Variants in PP2D1 observed in about 807,000 individuals in gnomAD.
PP2D1 encodes the protein protein phosphatase 2C-like domain-containing protein 1.
A neutral mutation model predicts 30.2 loss-of-function variants in PP2D1; 25 were observed. The ratio of observed to expected loss-of-function variants is 0.83; its 90% CI spans 0.60 to 1.16. The LOEUF (loss-of-function observed/expected upper bound fraction) is 1.16. Ranked by LOEUF, PP2D1 falls within the 50% of genes most tolerant of loss-of-function variation. PP2D1 has a pLI of 0.00. For missense variants in PP2D1, 760 were observed against 742.4 expected (o/e 1.02, Z -0.28); for synonymous variants, 260 against 258.9 (o/e 1.00, Z -0.04).
rs1697263337 is a variant in PP2D1, at chr3:20,002,024, T to C, written c.96A>G (p.Leu32=). ...TFDSDEDILL[L]PKRKRFRKKK... is the part of the protein sequence containing the mutation. ...TCTTTCTAAAACGTTTTCTTTTGGGTAAAAGTAGAATATCCTCATCTGAAT... is the reference window on the plus strand; with the variant it reads ...TCTTTCTAAAACGTTTTCTTTTGGGCAAAAGTAGAATATCCTCATCTGAAT... The change falls in exon 2 of 3, where the codon TTA becomes TTG. Residue 32 remains leucine (L), a synonymous_variant. Transcript: ENST00000389050. 1 of 1,535,626 alleles carries C rather than the reference T, an allele frequency of 6.5e-7. No individual in the cohort carries two copies. Among genetic ancestry groups the C allele is most frequent in the East Asian group, 2.4e-5 (1 of 40,930 alleles).
At chr3:20,010,295 C>T (rs1697369546) in intron 1 of PP2D1, among the ~76,000 whole-genome samples, 2 of 152,000 alleles carry the variant, frequency 1.3e-5, no homozygotes, top group South Asian at 4.1e-4. Flanking sequence ...TGGGTTTCAC[C>T]ATGTTGGCCA....
chr3:20,009,288 C>T lies in PP2D1; in HGVS notation c.23+2762G>A, dbSNP rs144761820. Among the ~76,000 whole-genome samples, 407 of 152,088 alleles carry T rather than the reference C, an allele frequency of 2.7e-3. 3 individuals carry two copies. Among genetic ancestry groups the T allele is most frequent in the African/African-American group, 9.2e-3 (381 of 41,490 alleles). On this transcript the variant is annotated intron_variant, in intron 1 of 2. Transcript: ENST00000389050. ...ACCAGCCTGGGCAACATAGTGAAAC[C>T]CCTTCTCTACAAAAAACTTAAAAAT...
rs141043195 is a variant in PP2D1 at position 19,988,285 on chromosome 3, G to C, written c.1091-2103C>G. 6.6e-3 allele frequency among the ~76,000 whole-genome samples: 1,006 copies of C among 152,286 alleles called. 11 individuals are homozygous for C. Among genetic ancestry groups the C allele is most frequent in the African/African-American group, 0.022 (915 of 41,574 alleles). On this transcript the variant is annotated intron_variant, in intron 2 of 2. Coordinates refer to ENST00000389050, the MANE Select transcript of PP2D1 (RefSeq NM_001252657.2). ...CTTTTTCTCAGCAAGGAACAGCCCT[G>C]AGAAAGAGAATGCATTCCTAGGGGG...
chr3:20,001,627 G>T lies in PP2D1; in HGVS notation c.493C>A (p.His165Asn). The change falls in exon 2 of 3, where the codon CAT (histidine) becomes AAT (asparagine). Residue 165 changes from histidine to asparagine, a missense_variant. By Grantham distance (68) the His-to-Asn change is moderately conservative. Coordinates refer to ENST00000389050, the MANE Select transcript of PP2D1 (RefSeq NM_001252657.2). ...RSVIYSQKIC[H>N]LLIKGVGICE... The stretch of plus-strand genomic sequence containing the variant: ...ATGCCCACTCCTTTAATTAACAGAT[G>T]ACATATTTTTTGAGAATATATGACA... 6.5e-7 allele frequency: 1 copy of T among 1,536,118 alleles called. No individual in the cohort carries two copies. Among genetic ancestry groups the T allele is most frequent in the South Asian group, 1.2e-5 (1 of 84,034 alleles).
intron 2 of PP2D1, among the ~76,000 whole-genome samples, chr3:19,996,486 G>A (rs1052331032): frequency 6.6e-6 from 1 of 152,098 alleles, no homozygotes; most frequent in African/African-American, 2.4e-5. Flanking sequence ...TGGCTTCACT[G>A]CTGAATTCTA....
In PP2D1 at chr3:19,986,139, G is replaced by A; in HGVS notation, c.1134C>T (p.Cys378=). The A allele has an allele frequency of 5.3e-6, 8 of 1,522,456 alleles. No homozygotes were observed. The highest frequency in any genetic ancestry group is 2.1e-5 in the Admixed American group (1 of 47,626). 94.3% of individuals were successfully genotyped at this position (1,522,456 alleles called of 1,614,324 possible). ...TTCGTGTAGTATGTTCTTTGGTTAGGCAAAAACCTTTCCCATTTCTGCATA... is the reference window on the plus strand; with the variant it reads ...TTCGTGTAGTATGTTCTTTGGTTAGACAAAAACCTTTCCCATTTCTGCATA... ...AVLCRNGKGF[C]LTKEHTTRNT... Residue 378 remains cysteine (C), a synonymous_variant, in exon 3 of 3, where the codon TGC becomes TGT. Transcript: ENST00000389050.
intron 1 of PP2D1, among the ~76,000 whole-genome samples, chr3:20,002,516 C>T (rs1697268862): frequency 6.6e-6 from 1 of 152,222 alleles, no homozygotes; most frequent in Admixed American, 6.5e-5. Flanking sequence ...AAAATTCCTA[C>T]TGCCTAGTGA....
At chr3:19,982,585 C>T (rs57702333), downstream of PP2D1, among the ~76,000 whole-genome samples, 10 of 152,200 alleles carry the variant, frequency 6.6e-5, no homozygotes, top group East Asian at 1.7e-3. Context: ...CATGGTGGCT[C>T]ATGCTTGCAG....
At chr3:19,995,457 C>T (rs933385888) in intron 2 of PP2D1, among the ~76,000 whole-genome samples, 4 of 152,150 alleles carry the variant, frequency 2.6e-5, no homozygotes, top group African/African-American at 9.7e-5. Context: ...AGGATTTCTA[C>T]CCTAGAAGAG....
At chr3:19,986,258 T>C (rs1283767793) in intron 2 of PP2D1, 76 bp from the exon 3 acceptor site, 7 of 1,100,460 alleles carry the variant, frequency 6.4e-6, no homozygotes, top group Admixed American at 3.2e-5. Context: ...CTGCTAACTT[T>C]AGTAAATTCT....
intron 2 of PP2D1, among the ~76,000 whole-genome samples, chr3:19,995,099 G>A (rs780261042): frequency 1.3e-5 from 2 of 152,004 alleles, no homozygotes; most frequent in Non-Finnish European, 2.9e-5. Context: ...ACAAAAACAG[G>A]ATCTAAAAGG....
intron 3 of PP2D1, chr3:19,980,218 C>G (rs963041975): frequency 9.2e-5 from 14 of 152,214 alleles, no homozygotes; most frequent in African/African-American, 3.4e-4. Flanking sequence ...CCTCTCAAAT[C>G]AGCCTGCACT....
chr3:20,002,626 T>C (rs1274294778), intron 1 of PP2D1, among the ~76,000 whole-genome samples: 4 of 152,088 alleles, frequency 2.6e-5, no homozygotes, highest in South Asian at 2.1e-4. Context: ...AATAAAAGTA[T>C]AGCAAATAGA....
At chr3:19,981,537 C>A (rs1034063156), downstream of PP2D1, among the ~76,000 whole-genome samples, 2 of 151,948 alleles carry the variant, frequency 1.3e-5, no homozygotes, top group Non-Finnish European at 2.9e-5. Flanking sequence ...TTGCTTGAAC[C>A]CAGGAGGCAG....
chr3:19,999,975 C>T lies in PP2D1; in HGVS notation c.1090+1055G>A, dbSNP rs540572515. Among the ~76,000 whole-genome samples the T allele has an allele frequency of 2.6e-5, 4 of 152,244 alleles. No homozygotes were observed. In the South Asian group the frequency reaches 8.3e-4, roughly 32 times the overall value. On this transcript the variant is annotated intron_variant, in intron 2 of 2. Coordinates refer to ENST00000389050, the MANE Select transcript of PP2D1 (RefSeq NM_001252657.2). ...GCCCTTGACATTTCAGGCTCAGAACCAGGTTGGATCAGAAACAGGCTGACT... is the reference window on the plus strand; with the variant it reads ...GCCCTTGACATTTCAGGCTCAGAACTAGGTTGGATCAGAAACAGGCTGACT...
chr3:20,001,218 C>T lies in PP2D1; in HGVS notation c.902G>A (p.Arg301Lys), dbSNP rs867141007. 21 of 1,535,042 alleles carry T rather than the reference C, an allele frequency of 1.4e-5. No homozygotes were observed. Among genetic ancestry groups the T allele is most frequent in the Non-Finnish European group, 1.8e-5 (21 of 1,146,568 alleles). The change falls in exon 2 of 3, where the codon AGA becomes AAA. Residue 301 changes from arginine to lysine, a missense_variant. By Grantham distance (26) the Arg-to-Lys change is conservative. Coordinates refer to ENST00000389050, the MANE Select transcript of PP2D1 (RefSeq NM_001252657.2). ...CCATTGAACCCTGGACACTTCTTTT[C>T]TTCCAAGACCTAAAAGCCTATCCAT... ...WRMDRLLGLG[R>K]KEVSRVQWSG...
chr3:20,006,140 G>A (rs9828709), intron 1 of PP2D1, among the ~76,000 whole-genome samples: 24,247 of 151,540 alleles, frequency 0.16, 2,118 homozygotes, highest in Non-Finnish European at 0.21. Flanking sequence ...CAGCTACTCG[G>A]GAGGCTGAGG....
At chr3:19,994,498 A>G (rs761992087) in intron 2 of PP2D1, among the ~76,000 whole-genome samples, 1 of 152,188 alleles carries the variant, frequency 6.6e-6, no homozygotes, top group Non-Finnish European at 1.5e-5. Flanking sequence ...ACCAACCTTC[A>G]TGTATTTGTA....
intron 2 of PP2D1, among the ~76,000 whole-genome samples, chr3:19,989,737 A>G (rs888203701): frequency 1.3e-5 from 2 of 152,252 alleles, no homozygotes; most frequent in South Asian, 2.1e-4. Flanking sequence ...GTGTGCATAC[A>G]TACGAATTGT....
Sources: allele counts gnomAD v4.1 joint callset (sites outside exome capture counted in the v4.1 genomes callset), GRCh38; gene constraint gnomAD v4.1.1; transcripts MANE v1.5; gene names NCBI Gene and HGNC (gene_info 2026-07-23, HGNC 2026-07-21).